EEF2K: variants seen among roughly 807,000 people sequenced by gnomAD.
EEF2K encodes eukaryotic elongation factor 2 kinase, also known as alternative protein EEF2K.
EEF2K carries 70 observed loss-of-function variants against 93.8 expected under a neutral mutation model. The observed-to-expected ratio is 0.75, with a 90% CI of 0.62 to 0.91. The LOEUF (loss-of-function observed/expected upper bound fraction) is 0.91. Among genes scored for constraint, EEF2K ranks in the 40% least tolerant of loss-of-function variants. EEF2K has a pLI of 0.00. For synonymous variants in EEF2K, 376 were observed against 380.8 expected, an observed-to-expected ratio of 0.99 and a Z score of 0.15; for missense variants, 935 against 972.9, an observed-to-expected ratio of 0.96 and a Z score of 0.52.
chr16:22,244,816 G>A, intron 3 of EEF2K, 86 bp downstream of exon 3: 1 of 1,373,438 alleles, frequency 7.3e-7, no homozygotes, highest in Admixed American at 1.9e-5. Context: ...AAGTACTCTT[G>A]GGGGTCAGGG....
chr16:22,221,164 A>G (rs1463727359), intron 1 of EEF2K, among the ~76,000 whole-genome samples: 1 of 152,194 alleles, frequency 6.6e-6, no homozygotes, highest in African/African-American at 2.4e-5. Context: ...AACAGAAAGA[A>G]AAAACAGAGG....
chr16:22,237,474 C>T (rs2047178867), intron 2 of EEF2K, among the ~76,000 whole-genome samples: 1 of 151,598 alleles, frequency 6.6e-6, no homozygotes, highest in African/African-American at 2.4e-5. Flanking sequence ...TCTGTCTCTA[C>T]AAAAATACAA....
chr16:22,262,589 G>A (rs919435283), intron 11 of EEF2K, among the ~76,000 whole-genome samples: 2 of 152,094 alleles, frequency 1.3e-5, no homozygotes, highest in African/African-American at 4.8e-5. Flanking sequence ...ATTTTTGTCC[G>A]TGGGTCATAG....
intron 2 of EEF2K, among the ~76,000 whole-genome samples, chr16:22,232,007 A>C (rs2047121008): frequency 6.7e-6 from 1 of 150,350 alleles, no homozygotes. Context: ...ACAAAAAAAA[A>C]AAAAAAAAAA....
chr16:22,280,108 C>T, intron 16 of EEF2K, 90 bp from the exon 17 acceptor site: 1 of 1,332,242 alleles, frequency 7.5e-7, no homozygotes, highest in Non-Finnish European at 9.9e-7. Context: ...CTGCTGGGAT[C>T]CCTGACTTGC....
intron 15 of EEF2K, among the ~76,000 whole-genome samples, chr16:22,270,692 G>A (rs980094584): frequency 1.3e-5 from 2 of 152,104 alleles, no homozygotes; most frequent in African/African-American, 4.8e-5. Context: ...CCTGCATAAT[G>A]GGTGGAACCT....
chr16:22,269,444 C>T (rs1318639379), intron 15 of EEF2K, among the ~76,000 whole-genome samples: 2 of 151,984 alleles, frequency 1.3e-5, no homozygotes, highest in Non-Finnish European at 2.9e-5. Flanking sequence ...CTCTGTCATC[C>T]AGGCTGGAGT....
chr16:22,212,263 G>A (rs1452506236), intron 1 of EEF2K, among the ~76,000 whole-genome samples: 1 of 152,088 alleles, frequency 6.6e-6, no homozygotes, highest in East Asian at 1.9e-4. Flanking sequence ...AGCAAATGAT[G>A]ACGTATCTCT....
chr16:22,256,645 GTCTGAGCCCAGGCAGGCGAGTTCC>G (rs1198001233), intron 6 of EEF2K, 79 bp from the exon 7 acceptor site: 9 of 1,414,922 alleles, frequency 6.4e-6, no homozygotes, highest in Non-Finnish European at 8.5e-6. Flanking sequence ...TGGAGCCAGG[GTCTGAGCCCAGGCAGGCGAGTTCC>G]TCTGAGCCCT....
chr16:22,211,878 A>T (rs933548859), intron 1 of EEF2K, among the ~76,000 whole-genome samples: 1 of 151,990 alleles, frequency 6.6e-6, no homozygotes, highest in Non-Finnish European at 1.5e-5. Flanking sequence ...TGTGCCAGGC[A>T]TTGTGCTTTG....
chr16:22,262,649 C>A (rs1443651283), intron 11 of EEF2K, among the ~76,000 whole-genome samples: 1 of 152,108 alleles, frequency 6.6e-6, no homozygotes, highest in African/African-American at 2.4e-5. Context: ...GAGTCACTCT[C>A]AGTAAAGCAC....
chr16:22,207,844 C>CTG (rs953460834), intron 1 of EEF2K, among the ~76,000 whole-genome samples: 6 of 152,060 alleles, frequency 3.9e-5, no homozygotes, highest in African/African-American at 1.4e-4. Flanking sequence ...AGAATGCCCA[C>CTG]TGTGTGTGTA....
chr16:22,281,855 G>T (rs1178593567), intron 17 of EEF2K, among the ~76,000 whole-genome samples: 1 of 152,050 alleles, frequency 6.6e-6, no homozygotes, highest in African/African-American at 2.4e-5. Context: ...TGGATATACA[G>T]CCTTTATCCA....
intron 4 of EEF2K, 101 bp downstream of exon 4, chr16:22,248,916 A>T: frequency 4.3e-6 from 5 of 1,168,776 alleles, no homozygotes; most frequent in Non-Finnish European, 4.8e-6. Flanking sequence ...ACTTTATTTA[A>T]TTTTTGTAAC....
At chr16:22,260,352 A>G in intron 10 of EEF2K, 110 bp from the exon 11 acceptor site, 1 of 688,500 alleles carries the variant, frequency 1.5e-6, no homozygotes, top group East Asian at 3.3e-5. Flanking sequence ...TTAAAGCTTA[A>G]AAAAAAAAAA....
rs530934863 is a variant in EEF2K at position 22,212,547 on chromosome 16, C to G, written c.-77+5868C>G. 1.0e-3 allele frequency among the ~76,000 whole-genome samples: 156 copies of G among 152,190 alleles called. 1 individual carries two copies. Among genetic ancestry groups the G allele is most frequent in the African/African-American group, 3.7e-3 (153 of 41,536 alleles). ...CACCATGTTGGTCAGGTCTCAAACT[C>G]CTGACCTCGTGATCCGCCTGCCTCG... is the stretch of plus-strand genomic sequence containing the variant. On this transcript the variant is annotated intron_variant, in intron 1 of 17. Coordinates refer to ENST00000263026, the MANE Select transcript of EEF2K (RefSeq NM_013302.5).
chr16:22,266,613 C>A, intron 14 of EEF2K, 75 bp from the exon 15 acceptor site: 1 of 1,589,734 alleles, frequency 6.3e-7, no homozygotes, highest in South Asian at 1.2e-5. Context: ...CTTCCTCCCG[C>A]AGGCTGGCTG....
chr16:22,257,887 A>G, intron 9 of EEF2K, 117 bp downstream of exon 9: 1 of 1,451,638 alleles, frequency 6.9e-7, no homozygotes, highest in Non-Finnish European at 9.3e-7. Context: ...GATGAATACC[A>G]GGGCTGGAAG....
chr16:22,216,502 A>G (rs1323508173), intron 1 of EEF2K, among the ~76,000 whole-genome samples: 1 of 152,208 alleles, frequency 6.6e-6, no homozygotes, highest in Admixed American at 6.5e-5. Flanking sequence ...TCACAGCACA[A>G]AAGCCACACT....
Sources: allele counts gnomAD v4.1 joint callset (sites outside exome capture counted in the v4.1 genomes callset), GRCh38; gene constraint gnomAD v4.1.1; transcripts MANE v1.5; gene names NCBI Gene and HGNC (gene_info 2026-07-23, HGNC 2026-07-21).